Variants in ZNF567 observed in about 807,000 individuals in gnomAD.
ZNF567 encodes the protein zinc finger protein 567.
ZNF567 carries 36 observed loss-of-function variants against 53.9 expected under a neutral mutation model. The ratio of observed to expected loss-of-function variants is 0.67; its 90% CI spans 0.51 to 0.88. The LOEUF is 0.88. Among genes scored for constraint, ZNF567 ranks in the 40% least tolerant of loss-of-function variants. The pLI, the probability that ZNF567 is intolerant of heterozygous loss-of-function variation, is 0.00. For missense variants in ZNF567, 619 were observed against 764.7 expected (o/e 0.81, Z 2.25); for synonymous variants, 224 against 260.4 (o/e 0.86, Z 1.35).
chr19:36,681,521 C>T, the ZNF567 span, among the ~76,000 whole-genome samples: 1 of 152,106 alleles, frequency 6.6e-6, no homozygotes, highest in Admixed American at 6.6e-5. Context: ...CCTTGACTTC[C>T]AGGGCTCAAG....
intron 3 of ZNF567, among the ~76,000 whole-genome samples, chr19:36,706,078 G>C (rs2039470990): frequency 1.3e-5 from 2 of 152,150 alleles, no homozygotes; most frequent in African/African-American, 4.8e-5. Context: ...GATTCAGGCA[G>C]GTTTGGGTTT....
intron 1 of ZNF567, among the ~76,000 whole-genome samples, chr19:36,688,969 C>T (rs1328552224): frequency 6.6e-6 from 1 of 151,920 alleles, no homozygotes; most frequent in East Asian, 1.9e-4. Context: ...CATGATGGCG[C>T]ATGCCTGTAG....
At chr19:36,674,784 C>T in the ZNF567 span, among the ~76,000 whole-genome samples, 1 of 151,806 alleles carries the variant, frequency 6.6e-6, no homozygotes, top group Admixed American at 6.6e-5. Context: ...GACAGAGTCT[C>T]ACTCTGTTGC....
chr19:36,722,805 G>C (rs1473310889), downstream of ZNF567, among the ~76,000 whole-genome samples: 1 of 152,150 alleles, frequency 6.6e-6, no homozygotes, highest in Non-Finnish European at 1.5e-5. Context: ...AAAATGAACA[G>C]GGCAATGAGA....
intron 3 of ZNF567, among the ~76,000 whole-genome samples, chr19:36,695,407 T>C (rs1287870017): frequency 2.6e-5 from 4 of 152,028 alleles, no homozygotes; most frequent in East Asian, 3.9e-4. Context: ...CAGGCGCCTG[T>C]AATCCCAGCC....
chr19:36,672,184 T>G, the ZNF567 span, among the ~76,000 whole-genome samples: 1 of 152,208 alleles, frequency 6.6e-6, no homozygotes, highest in African/African-American at 2.4e-5. Flanking sequence ...GCACCGCACC[T>G]GGTTGTTCAT....
chr19:36,682,657 G>C (rs1395295299), upstream of ZNF567, among the ~76,000 whole-genome samples: 7 of 150,440 alleles, frequency 4.7e-5, no homozygotes, highest in Admixed American at 4.6e-4. Flanking sequence ...GCCCAAGCTG[G>C]GGAGCAGCGG....
At position 36,720,948 on chromosome 19, in the gene ZNF567, G is replaced by A. The variant is rs1430744955; in HGVS notation, c.*280G>A. The A allele has an allele frequency of 1.9e-5, 4 of 206,176 alleles. No individual in the cohort carries two copies. Among genetic ancestry groups the A allele is most frequent in the Admixed American group, 1.1e-4 (2 of 18,310 alleles). The allele number at this position is 206,176 out of a possible 1,614,324, so 12.8% of individuals were successfully genotyped here. On this transcript the variant is annotated 3_prime_UTR_variant, in exon 6 of 6. Transcript: ENST00000682579. ...AAAATACTTATATAATACATGCAGA[G>A]ACAAGATACACAATGATTATAAGTA...
chr19:36,718,179 C>G lies in ZNF567; in HGVS notation c.224-769C>G, dbSNP rs1000923168. Among the ~76,000 whole-genome samples, 18 of 152,220 alleles carry G rather than the reference C, an allele frequency of 1.2e-4. No homozygotes were observed. In the East Asian group the frequency reaches 2.3e-3, roughly 20 times the overall value. ...TTGAACAGCTGGAAGTGTTTTACCA[C>G]AGTCATCTAGGGATGTGTGTATAAA... is the stretch of plus-strand genomic sequence containing the variant. On this transcript the variant is annotated intron_variant, in intron 5 of 5. Coordinates refer to ENST00000682579, the MANE Select transcript of ZNF567 (RefSeq NM_001322917.1).
intron 2 of ZNF567, among the ~76,000 whole-genome samples, chr19:36,691,805 G>A (rs1010189095): frequency 2.6e-5 from 4 of 152,092 alleles, no homozygotes; most frequent in Non-Finnish European, 4.4e-5. Context: ...CCATCATGCT[G>A]GCTAATTTGT....
Position 36,720,474 on chromosome 19 carries a change from A to T in ZNF567, c.1750A>T (p.Thr584Ser). 2 of 1,613,964 alleles carry T rather than the reference A, an allele frequency of 1.2e-6. No individual in the cohort carries two copies. Among genetic ancestry groups the T allele is most frequent in the Non-Finnish European group, 1.7e-6 (2 of 1,179,980 alleles). Reference protein sequence around the residue: ...SYLIHHQRTHTGEKPYKCSEC... With the variant: ...SYLIHHQRTHSGEKPYKCSEC... ...TCTCATTCATCATCAAAGAACTCATACGGGAGAGAAACCATATAAATGTAG... is the reference window on the plus strand; with the variant it reads ...TCTCATTCATCATCAAAGAACTCATTCGGGAGAGAAACCATATAAATGTAG... Residue 584 changes from threonine to serine, a missense_variant, in exon 6 of 6, where the codon ACG becomes TCG. Thr to Ser is a moderately conservative substitution (Grantham distance 58). Transcript: ENST00000682579.
the ZNF567 span, among the ~76,000 whole-genome samples, chr19:36,667,750 C>A: frequency 1.3e-5 from 2 of 150,136 alleles, no homozygotes; most frequent in African/African-American, 2.4e-5. Flanking sequence ...CCCGGGTTCA[C>A]GCCATTCTCC....
intron 2 of ZNF567, among the ~76,000 whole-genome samples, chr19:36,691,446 G>A (rs2038605412): frequency 6.6e-6 from 1 of 151,510 alleles, no homozygotes. Context: ...GATTATAGGT[G>A]TGAGCTACCT....
intron 3 of ZNF567, among the ~76,000 whole-genome samples, chr19:36,710,734 G>A (rs2039740318): frequency 6.6e-6 from 1 of 152,042 alleles, no homozygotes. Context: ...TCTTTTTCAA[G>A]TTTTACCCTC....
chr19:36,692,599 C>T (rs1482958436), intron 2 of ZNF567, among the ~76,000 whole-genome samples: 1 of 152,120 alleles, frequency 6.6e-6, no homozygotes, highest in Non-Finnish European at 1.5e-5. Flanking sequence ...TGGTCTCAAA[C>T]TCCTAAGCTC....
chr19:36,690,000 A>G (rs772741368), intron 2 of ZNF567, among the ~76,000 whole-genome samples: 9 of 152,228 alleles, frequency 5.9e-5, no homozygotes, highest in Admixed American at 1.3e-4. Flanking sequence ...CAACAGCTCT[A>G]TAAGATCCTG....
downstream of ZNF567, among the ~76,000 whole-genome samples, chr19:36,726,321 A>G (rs1250238096): frequency 6.6e-6 from 1 of 152,148 alleles, no homozygotes; most frequent in African/African-American, 2.4e-5. Flanking sequence ...CAATTATTGA[A>G]TTTCCATTGA....
At chr19:36,692,080 G>A (rs3108560) in intron 2 of ZNF567, among the ~76,000 whole-genome samples, 102,267 of 152,132 alleles carry the variant, frequency 0.67, 34,707 homozygotes, top group East Asian at 0.82. Context: ...GTTGTTTCCA[G>A]TTCTGAGGTG....
chr19:36,698,248 ATGAAC>A (rs2038995039), intron 3 of ZNF567, among the ~76,000 whole-genome samples: 1 of 152,066 alleles, frequency 6.6e-6, no homozygotes, highest in African/African-American at 2.4e-5. Flanking sequence ...TACAAAGGAC[ATGAAC>A]TCATCATTTT....
Sources: gnomAD v4.1 joint callset for allele counts (sites outside exome capture counted in the v4.1 genomes callset) on GRCh38, gnomAD v4.1.1 for gene constraint, MANE v1.5 for transcripts, NCBI Gene and HGNC (gene_info 2026-07-23, HGNC 2026-07-21) for gene names.